PRH1: variants seen among roughly 807,000 people sequenced by gnomAD.
PRH1 encodes the protein proline rich protein HaeIII subfamily 1, also known as salivary acidic proline-rich phosphoprotein 1/2.
In PRH1, 7 loss-of-function variants were observed where a neutral mutation model predicts 7.9. The observed-to-expected ratio is 0.89, with a 90% CI of 0.50 to 1.67. PRH1 has a LOEUF of 1.67. Ranked by LOEUF, PRH1 falls within the 40% of genes most tolerant of loss-of-function variation. The pLI is 0.00. For missense variants in PRH1, 109 were observed against 223.6 expected, an observed-to-expected ratio of 0.49 and a Z score of 3.27; for synonymous variants, 45 against 80.8, an observed-to-expected ratio of 0.56 and a Z score of 2.38.
intron 1 of PRH1, chr12:10,996,763 C>T (rs548580272): frequency 5.7e-4 from 228 of 397,872 alleles, no homozygotes; most frequent in African/African-American, 4.1e-3. Context: ...TACACACACA[C>T]GCAAATGTAT....
At chr12:11,026,623 A>T (rs1169603065) in intron 1 of PRH1, among the ~76,000 whole-genome samples, 1 of 152,062 alleles carries the variant, frequency 6.6e-6, no homozygotes, top group African/African-American at 2.4e-5. Context: ...AAACACTTGA[A>T]AGTTACAGGG....
chr12:11,043,323 C>T (rs909989528), intron 1 of PRH1, among the ~76,000 whole-genome samples: 14 of 151,984 alleles, frequency 9.2e-5, no homozygotes, highest in African/African-American at 1.4e-4. Flanking sequence ...ATAGAAAGAC[C>T]CACAACTAGT....
intron 2 of PRH1, among the ~76,000 whole-genome samples, chr12:10,955,436 G>A (rs748349574): frequency 1.2e-4 from 18 of 152,114 alleles, no homozygotes; most frequent in Non-Finnish European, 1.8e-4. Flanking sequence ...ATAAGGCAGT[G>A]TTAAGAGGAA....
chr12:11,043,885 C>A (rs1004477882), intron 1 of PRH1, among the ~76,000 whole-genome samples: 24 of 152,092 alleles, frequency 1.6e-4, no homozygotes, highest in African/African-American at 4.8e-4. Context: ...TCTACAGATT[C>A]AATGTAATTC....
chr12:11,020,364 ATATATAT>A (rs757274996), intron 1 of PRH1, among the ~76,000 whole-genome samples: 37,402 of 132,910 alleles, frequency 0.28, 6,723 homozygotes, highest in East Asian at 0.65. Context: ...ATGATAAGCG[ATATATAT>A]ATATATATAT....
At chr12:11,067,072 C>T (rs1943852460) in intron 1 of PRH1, among the ~76,000 whole-genome samples, 2 of 148,622 alleles carry the variant, frequency 1.3e-5, no homozygotes, top group South Asian at 2.1e-4. Flanking sequence ...GCCTTTTTCA[C>T]ATTCTTAGCT....
chr12:10,915,106 C>T (rs1278118094), intron 2 of PRH1, among the ~76,000 whole-genome samples: 4 of 152,032 alleles, frequency 2.6e-5, no homozygotes, highest in African/African-American at 7.2e-5. Flanking sequence ...CCAGCCTGGG[C>T]CACAGAGTGA....
chr12:11,067,061 A>AAT (rs1388168662), intron 1 of PRH1, among the ~76,000 whole-genome samples: 2 of 151,430 alleles, frequency 1.3e-5, no homozygotes, highest in African/African-American at 2.4e-5. Flanking sequence ...AATTCTTGCA[A>AAT]GCCTTTTTCA....
At chr12:11,165,113 T>G (rs753207453) in intron 1 of PRH1, among the ~76,000 whole-genome samples, 3 of 152,210 alleles carry the variant, frequency 2.0e-5, no homozygotes, top group Non-Finnish European at 4.4e-5. Context: ...GTATTCAATT[T>G]TACGGGTATG....
At chr12:10,965,845 ATTT>A (rs1233062025) in intron 2 of PRH1, among the ~76,000 whole-genome samples, 1 of 152,224 alleles carries the variant, frequency 6.6e-6, no homozygotes, top group Non-Finnish European at 1.5e-5. Flanking sequence ...ACCATGACCA[ATTT>A]TTATGCTAGA....
At chr12:11,021,868 AGG>A (rs1941654800) in intron 1 of PRH1, 1 of 1,530,518 alleles carries the variant, frequency 6.5e-7, no homozygotes, top group Non-Finnish European at 8.9e-7. Flanking sequence ...AAATAACATG[AGG>A]AAGGAGGTCA....
At chr12:11,033,261 G>A (rs1942302459) in intron 1 of PRH1, among the ~76,000 whole-genome samples, 1 of 152,110 alleles carries the variant, frequency 6.6e-6, no homozygotes, top group Admixed American at 6.6e-5. Flanking sequence ...CAGCTACTCG[G>A]GAGGCTGAGG....
At chr12:10,921,538 G>A (rs1248390076) in intron 2 of PRH1, among the ~76,000 whole-genome samples, 1 of 152,110 alleles carries the variant, frequency 6.6e-6, no homozygotes, top group Non-Finnish European at 1.5e-5. Context: ...TTCTTGATCA[G>A]TACCATCAGA....
downstream of PRH1, chr12:11,120,816 G>C (rs1945877728): frequency 6.6e-6 from 1 of 152,448 alleles, no homozygotes; most frequent in Non-Finnish European, 1.5e-5. Context: ...ACGTAGAATA[G>C]ATTGACAGTC....
chr12:11,051,948 C>G (rs560788081), upstream of PRH1, among the ~76,000 whole-genome samples: 3 of 77,108 alleles, frequency 3.9e-5, no homozygotes, highest in African/African-American at 1.0e-4. Flanking sequence ...AATGAGCATT[C>G]TTTCACATAT....
intron 1 of PRH1, among the ~76,000 whole-genome samples, chr12:11,004,903 T>C (rs367987480): frequency 2.6e-5 from 4 of 152,158 alleles, no homozygotes; most frequent in South Asian, 4.1e-4. Flanking sequence ...AGTTTAATAA[T>C]AGCTGTCCAT....
intron 2 of PRH1, among the ~76,000 whole-genome samples, chr12:10,902,003 C>T (rs1433524294): frequency 6.6e-6 from 1 of 152,038 alleles, no homozygotes; most frequent in Non-Finnish European, 1.5e-5. Context: ...ACCTCTCCAG[C>T]AATGGTCCCT....
At chr12:10,899,779 A>C (rs1949698929) in intron 2 of PRH1, among the ~76,000 whole-genome samples, 1 of 152,210 alleles carries the variant, frequency 6.6e-6, no homozygotes, top group Non-Finnish European at 1.5e-5. Context: ...CAACACAAAC[A>C]GACCAAGAAA....
intron 1 of PRH1, among the ~76,000 whole-genome samples, chr12:10,981,303 T>C (rs1256135836): frequency 6.6e-6 from 1 of 151,638 alleles, no homozygotes; most frequent in African/African-American, 2.4e-5. Flanking sequence ...CTAACACTAA[T>C]ATCTGGGTAC....
Sources: gnomAD v4.1 joint callset for allele counts (sites outside exome capture counted in the v4.1 genomes callset) on GRCh38, gnomAD v4.1.1 for gene constraint, MANE v1.5 for transcripts, NCBI Gene and HGNC (gene_info 2026-07-23, HGNC 2026-07-21) for gene names.